The following SFMBT2 variants were observed in gnomAD, a reference collection of about 807,000 sequenced individuals.
SFMBT2 encodes Scm like with four mbt domains 2, also known as scm-like with four MBT domains protein 2.
In SFMBT2, 38 loss-of-function variants were observed where a neutral mutation model predicts 110.1. The ratio of observed to expected loss-of-function variants is 0.35; its 90% CI spans 0.27 to 0.45. The LOEUF is 0.45. SFMBT2 is among the 20% of genes least tolerant of loss of function. The probability of loss-of-function intolerance (pLI) is 1.00; values close to 1 mark genes in which losing one functional copy is unlikely to be tolerated. For missense variants in SFMBT2, 1,011 were observed against 1,094.9 expected, an observed-to-expected ratio of 0.92 and a Z score of 1.08; for synonymous variants, 425 against 425.4, an observed-to-expected ratio of 1.00 and a Z score of 0.01.
intron 6 of SFMBT2, chr10:7,277,598 T>C (rs1426428229): frequency 6.5e-6 from 1 of 154,662 alleles, no homozygotes; most frequent in East Asian, 1.9e-4. Context: ...GGGGGCAAGA[T>C]TTACAGATGG....
In SFMBT2 at chr10:7,293,521, C is replaced by T. The variant is rs760931198; in HGVS notation, c.437-7567G>A. The stretch of plus-strand genomic sequence containing the variant: ...CAAGCACTTGAAGAATGGAGTTGCC[C>T]TTTACTGAGATGAGGCAGATTCAAG... On this transcript the variant is annotated intron_variant, in intron 4 of 20. Coordinates refer to ENST00000397167, the MANE Select transcript of SFMBT2 (RefSeq NM_001387889.1). This position sits in a 1 kb window ranked among gnomAD's most constrained non-coding sequence, Gnocchi z 4.6. 3.3e-5 allele frequency among the ~76,000 whole-genome samples: 5 copies of T among 152,132 alleles called. No individual in the cohort carries two copies. The highest frequency in any genetic ancestry group is 5.9e-5 in the Non-Finnish European group (4 of 68,022).
At chr10:7,361,119 C>T (rs1047149284) in intron 4 of SFMBT2, among the ~76,000 whole-genome samples, 5 of 152,086 alleles carry the variant, frequency 3.3e-5, no homozygotes, top group African/African-American at 1.2e-4. Context: ...ATGAGTGTCT[C>T]TCTGCTTCCC....
intron 4 of SFMBT2, among the ~76,000 whole-genome samples, chr10:7,356,433 T>C (rs1049510550): frequency 4.6e-5 from 7 of 152,190 alleles, no homozygotes; most frequent in African/African-American, 1.4e-4. Context: ...TTGTTTTGTT[T>C]GAGATGGAGT....
Position 7,197,666 on chromosome 10 carries a change from C to A in SFMBT2, c.1580G>T (p.Cys527Phe), listed in dbSNP as rs756367475. ...DTTGTVNGKYCCPQLFINHRC... is the reference protein window; with the variant it reads ...DTTGTVNGKYFCPQLFINHRC... The stretch of plus-strand genomic sequence containing the variant: ...GTGGTTGATGAAGAGCTGAGGACAG[C>A]AGTATTTCCCGTTGACGGTTCCTGC... The change falls in exon 15 of 21, where the codon TGC becomes TTC. Residue 527 changes from cysteine (C) to phenylalanine (F), a missense_variant. Physicochemically the swap from Cys to Phe is radical, Grantham distance 205. Coordinates refer to ENST00000397167, the MANE Select transcript of SFMBT2 (RefSeq NM_001387889.1). The A allele has an allele frequency of 1.2e-6, 2 of 1,614,128 alleles. No homozygotes were observed. Among genetic ancestry groups the A allele is most frequent in the Non-Finnish European group, 1.7e-6 (2 of 1,180,004 alleles).
chr10:7,186,987 T>C (rs1366325525), intron 16 of SFMBT2, among the ~76,000 whole-genome samples: 1 of 152,264 alleles, frequency 6.6e-6, no homozygotes, highest in East Asian at 1.9e-4. Context: ...GGTAATATGC[T>C]GCCTTTACAA....
chr10:7,186,356 G>C (rs1333042469), intron 16 of SFMBT2, among the ~76,000 whole-genome samples: 1 of 150,846 alleles, frequency 6.6e-6, no homozygotes, highest in Non-Finnish European at 1.5e-5. Context: ...AATCAACCAA[G>C]AGGACTGAAT....
rs112612446 is a variant in SFMBT2, at chr10:7,358,435, C to T, written c.436+9214G>A. ...ACATGGCCCTAGAACATCTGCATGG[C>T]CCTAGAACATCTGCATGGCCCTGGA... On this transcript the variant is annotated intron_variant, in intron 4 of 20. Transcript: ENST00000397167. Among the ~76,000 whole-genome samples, 890 of 152,048 alleles carry T rather than the reference C, an allele frequency of 5.9e-3. 7 individuals carry two copies. The highest frequency in any genetic ancestry group is 0.02 in the African/African-American group (829 of 41,412).
At chr10:7,168,051 A>G (rs1837745986) in intron 20 of SFMBT2, among the ~76,000 whole-genome samples, 1 of 143,640 alleles carries the variant, frequency 7.0e-6, no homozygotes, top group South Asian at 2.2e-4. Context: ...CTGGGTTACA[A>G]GAGTAAAACT....
chr10:7,241,532 C>G (rs558464690), intron 9 of SFMBT2, among the ~76,000 whole-genome samples: 1 of 152,008 alleles, frequency 6.6e-6, no homozygotes, highest in South Asian at 2.1e-4. Flanking sequence ...TTTACCTTAC[C>G]AAATATCACA....
At chr10:7,257,418 T>C (rs1841052947) in intron 7 of SFMBT2, among the ~76,000 whole-genome samples, 1 of 151,994 alleles carries the variant, frequency 6.6e-6, no homozygotes, top group African/African-American at 2.4e-5. Context: ...TCAGGAGGAG[T>C]GAACCATCGC....
chr10:7,229,399 T>C (rs1459387051), intron 9 of SFMBT2, among the ~76,000 whole-genome samples: 1 of 151,944 alleles, frequency 6.6e-6, no homozygotes, highest in Non-Finnish European at 1.5e-5. Flanking sequence ...GCCAAGATGG[T>C]GAAACCCCTT....
At chr10:7,241,367 G>C in intron 9 of SFMBT2, 1 of 977,082 alleles carries the variant, frequency 1.0e-6, no homozygotes. Context: ...TTTCTTATTG[G>C]AAGGTACTAG....
At chr10:7,291,449 C>T (rs1013134437) in intron 4 of SFMBT2, among the ~76,000 whole-genome samples, 12 of 152,258 alleles carry the variant, frequency 7.9e-5, no homozygotes, top group African/African-American at 2.2e-4. Flanking sequence ...CCTTCTAAAA[C>T]GTTTTCTTTA....
intron 17 of SFMBT2, among the ~76,000 whole-genome samples, chr10:7,173,965 C>G (rs889842795): frequency 6.6e-6 from 1 of 152,202 alleles, no homozygotes; most frequent in Non-Finnish European, 1.5e-5. Flanking sequence ...ATGAGACCAT[C>G]AGGACTAACA....
chr10:7,221,743 C>A (rs193195627), intron 10 of SFMBT2, among the ~76,000 whole-genome samples: 1 of 151,742 alleles, frequency 6.6e-6, no homozygotes, highest in South Asian at 2.1e-4. Flanking sequence ...TTGTTTATTG[C>A]TATCTTTTTA....
chr10:7,305,248 T>C (rs993074975), intron 4 of SFMBT2, among the ~76,000 whole-genome samples: 3 of 152,208 alleles, frequency 2.0e-5, no homozygotes, highest in Non-Finnish European at 4.4e-5. Context: ...GCAAAGTACT[T>C]GGCATGATGA....
chr10:7,196,886 T>C (rs960312900), intron 15 of SFMBT2, among the ~76,000 whole-genome samples: 1 of 152,128 alleles, frequency 6.6e-6, no homozygotes, highest in Non-Finnish European at 1.5e-5. Flanking sequence ...AAAAATGCAA[T>C]GGAGAAGAAG....
intron 4 of SFMBT2, among the ~76,000 whole-genome samples, chr10:7,290,261 CA>C (rs200965592): frequency 0.11 from 12,657 of 110,662 alleles, 1,131 homozygotes; most frequent in African/African-American, 0.29. Flanking sequence ...TCATAAGAAA[CA>C]AAAAAAAAAA....
chr10:7,262,663 G>A (rs948515627), intron 7 of SFMBT2, among the ~76,000 whole-genome samples: 4 of 152,194 alleles, frequency 2.6e-5, no homozygotes, highest in Admixed American at 2.0e-4. Context: ...GCTATCTAAC[G>A]GACTGCAGAC....
Sources: gnomAD v4.1 joint callset for allele counts (sites outside exome capture counted in the v4.1 genomes callset) on GRCh38, gnomAD v4.1.1 for gene constraint, Gnocchi (gnomAD v3.1) non-coding constraint, MANE v1.5 for transcripts, NCBI Gene and HGNC (gene_info 2026-07-23, HGNC 2026-07-21) for gene names.